The following BNC2 variants were observed in gnomAD, a reference collection of about 807,000 sequenced individuals.
The protein encoded by BNC2 is basonuclin zinc finger protein 2.
In BNC2, 20 loss-of-function variants were observed where a neutral mutation model predicts 76.3. That is an observed-to-expected ratio of 0.26 (90% CI 0.18 to 0.38). The LOEUF is 0.38. Ranked by LOEUF, BNC2 falls within the 10% of genes least tolerant of loss-of-function variation. The pLI, the probability that BNC2 is intolerant of heterozygous loss-of-function variation, is 1.00. For missense variants in BNC2, 1,382 were observed against 1,399.8 expected (o/e 0.99, Z 0.20); for synonymous variants, 582 against 514.8 (o/e 1.13, Z -1.77).
chr9:16,514,159 A>G (rs764971716), intron 5 of BNC2, among the ~76,000 whole-genome samples: 2 of 152,208 alleles, frequency 1.3e-5, no homozygotes, highest in African/African-American at 2.4e-5. Context: ...ACCACCAGCC[A>G]GCAAGGCAGG....
At chr9:16,809,670 C>T (rs919076442) in intron 1 of BNC2, among the ~76,000 whole-genome samples, 1 of 151,748 alleles carries the variant, frequency 6.6e-6, no homozygotes, top group Non-Finnish European at 1.5e-5. Context: ...CCCAGCTACT[C>T]GGGAGGCTGA....
chr9:16,619,650 T>G (rs1820808936), intron 3 of BNC2, among the ~76,000 whole-genome samples: 1 of 152,176 alleles, frequency 6.6e-6, no homozygotes, highest in Non-Finnish European at 1.5e-5. Context: ...TACCAGTTAT[T>G]TCAACTGAGC....
intron 3 of BNC2, among the ~76,000 whole-genome samples, chr9:16,653,923 C>T (rs539344316): frequency 1.3e-5 from 2 of 152,112 alleles, no homozygotes; most frequent in East Asian, 1.9e-4. Flanking sequence ...TCGCCTCCCC[C>T]ACTCCTTCCT....
At chr9:16,468,945 T>G (rs996433828) in intron 5 of BNC2, among the ~76,000 whole-genome samples, 1 of 152,176 alleles carries the variant, frequency 6.6e-6, no homozygotes, top group Non-Finnish European at 1.5e-5. Flanking sequence ...GATAGTAACT[T>G]TTCACTCTTA....
intron 4 of BNC2, among the ~76,000 whole-genome samples, chr9:16,577,073 G>A (rs1194360080): frequency 6.6e-6 from 1 of 152,088 alleles, no homozygotes; most frequent in Admixed American, 6.5e-5. Context: ...ATGACCAATA[G>A]CCCTGATTTA....
At chr9:16,775,356 G>A (rs919151213) in intron 1 of BNC2, among the ~76,000 whole-genome samples, 3 of 151,150 alleles carry the variant, frequency 2.0e-5, no homozygotes, top group African/African-American at 7.3e-5. Flanking sequence ...CCACAGTGAA[G>A]GAGTCCATAC....
intron 5 of BNC2, among the ~76,000 whole-genome samples, chr9:16,457,918 C>G (rs1821489727): frequency 6.6e-6 from 1 of 152,100 alleles, no homozygotes. Flanking sequence ...GATCTGCATC[C>G]CCACTGCCAT....
At chr9:16,555,439 C>G (rs535623592) in intron 4 of BNC2, among the ~76,000 whole-genome samples, 7 of 152,256 alleles carry the variant, frequency 4.6e-5, no homozygotes, top group African/African-American at 1.7e-4. Context: ...TCGAGAACAC[C>G]TGAGACTGAG....
intron 3 of BNC2, among the ~76,000 whole-genome samples, chr9:16,603,256 TTTATGTGG>T (rs1235567527): frequency 5.3e-5 from 8 of 152,254 alleles, no homozygotes; most frequent in Admixed American, 3.9e-4. Context: ...CAGCATTGTA[TTTATGTGG>T]TTACAGAGCT....
intron 3 of BNC2, among the ~76,000 whole-genome samples, chr9:16,602,574 C>A (rs973263882): frequency 4.6e-5 from 7 of 152,178 alleles, no homozygotes; most frequent in African/African-American, 1.7e-4. Context: ...CTCAGTGCTC[C>A]CCACTCTATG....
At chr9:16,716,924 C>T (rs982362065) in intron 3 of BNC2, among the ~76,000 whole-genome samples, 5 of 152,176 alleles carry the variant, frequency 3.3e-5, no homozygotes, top group African/African-American at 1.2e-4. Flanking sequence ...TTCTTAGCAA[C>T]TTGCACAACT....
At chr9:16,473,805 G>A (rs922871152) in intron 5 of BNC2, among the ~76,000 whole-genome samples, 5 of 152,218 alleles carry the variant, frequency 3.3e-5, no homozygotes, top group Admixed American at 6.5e-5. Flanking sequence ...CCCAGGAGGC[G>A]GAGGTTGCAG....
At chr9:16,650,557 A>T (rs7866044) in intron 3 of BNC2, among the ~76,000 whole-genome samples, 17,444 of 150,572 alleles carry the variant, frequency 0.12, 1,680 homozygotes, top group African/African-American at 0.27. Flanking sequence ...ATTTTTTTTT[A>T]TTTTTTTTAC....
chr9:16,696,539 C>A (rs1026020341), intron 3 of BNC2, among the ~76,000 whole-genome samples: 2 of 152,184 alleles, frequency 1.3e-5, no homozygotes, highest in Non-Finnish European at 2.9e-5. Context: ...TTCCTTAGGG[C>A]TCTAAGCACC....
In BNC2 at chr9:16,737,238, C is replaced by CTT. The variant is rs559930240; in HGVS notation, c.129+1120_129+1121dup. On this transcript the variant is annotated intron_variant, in intron 2 of 6. Transcript: ENST00000380672. ...TCCCACCTCAGCCACCACACCTGGC[C>CTT]TTTTTTTTTTTTTTTTTTTTTTTTC... 8.1e-4 allele frequency among the ~76,000 whole-genome samples: 74 copies of CTT among 91,308 alleles called. 1 individual carries two copies. The highest frequency in any genetic ancestry group is 2.8e-3 in the African/African-American group (66 of 23,442). The allele number at this position is 91,308 out of a possible 152,430, so 59.9% of individuals were successfully genotyped here.
At chr9:16,456,656 A>G (rs1821456068) in intron 5 of BNC2, among the ~76,000 whole-genome samples, 1 of 152,126 alleles carries the variant, frequency 6.6e-6, no homozygotes, top group South Asian at 2.1e-4. Context: ...GCTCTGGCAG[A>G]TATTTCCTAG....
chr9:16,714,073 C>T (rs1331417544), intron 3 of BNC2, among the ~76,000 whole-genome samples: 3 of 152,318 alleles, frequency 2.0e-5, no homozygotes, highest in Middle Eastern at 3.4e-3. Flanking sequence ...AGAACCACAC[C>T]TTGTCTCCCC....
chr9:16,550,248 A>G (rs1818617392), intron 5 of BNC2, among the ~76,000 whole-genome samples: 1 of 151,378 alleles, frequency 6.6e-6, no homozygotes, highest in South Asian at 2.1e-4. Flanking sequence ...TTCTTAAAAC[A>G]TTATGAGAGT....
intron 5 of BNC2, among the ~76,000 whole-genome samples, chr9:16,479,408 A>G (rs1032835221): frequency 2.6e-5 from 4 of 152,180 alleles, no homozygotes; most frequent in Non-Finnish European, 5.9e-5. Flanking sequence ...CAAAGAATAC[A>G]GCACCTAGCA....
Sources: allele counts gnomAD v4.1 joint callset (sites outside exome capture counted in the v4.1 genomes callset), GRCh38; gene constraint gnomAD v4.1.1; transcripts MANE v1.5; gene names NCBI Gene and HGNC (gene_info 2026-07-23, HGNC 2026-07-21).